The following TAFA2 variants were observed in gnomAD, a reference collection of about 807,000 sequenced individuals.
The protein encoded by TAFA2 is chemokine-like protein TAFA-2.
In TAFA2, 7 loss-of-function variants were observed where a neutral mutation model predicts 18.8. The ratio of observed to expected loss-of-function variants is 0.37; its 90% CI spans 0.21 to 0.70. TAFA2 has a LOEUF of 0.70. Ranked by LOEUF, TAFA2 falls within the 30% of genes least tolerant of loss-of-function variation. TAFA2 has a pLI of 0.53. For synonymous variants in TAFA2, 60 were observed against 54.2 expected, an observed-to-expected ratio of 1.11 and a Z score of -0.47; for missense variants, 122 against 158.1, an observed-to-expected ratio of 0.77 and a Z score of 1.23.
intron 1 of TAFA2, among the ~76,000 whole-genome samples, chr12:62,100,073 G>T (rs994896743): frequency 6.6e-6 from 1 of 150,896 alleles, no homozygotes; most frequent in Non-Finnish European, 1.5e-5. Flanking sequence ...TCAAGTTTTT[G>T]ATTATTCCAC....
At chr12:62,164,037 A>C (rs2062423327) in intron 1 of TAFA2, among the ~76,000 whole-genome samples, 2 of 152,144 alleles carry the variant, frequency 1.3e-5, no homozygotes, top group Admixed American at 1.3e-4. Context: ...CAGAAAATGA[A>C]AATGTTATGA....
intron 1 of TAFA2, among the ~76,000 whole-genome samples, chr12:61,937,208 T>C (rs1877805978): frequency 6.6e-6 from 1 of 152,104 alleles, no homozygotes; most frequent in African/African-American, 2.4e-5. Flanking sequence ...AGAATAAATA[T>C]CATGAAAATG....
At chr12:62,082,821 C>T (rs1421835845) in intron 1 of TAFA2, among the ~76,000 whole-genome samples, 1 of 152,114 alleles carries the variant, frequency 6.6e-6, no homozygotes, top group Non-Finnish European at 1.5e-5. Context: ...TAAAATATAG[C>T]CTCTAAGAAT....
At chr12:61,944,553 G>A (rs1205141363) in intron 1 of TAFA2, among the ~76,000 whole-genome samples, 7 of 112,176 alleles carry the variant, frequency 6.2e-5, no homozygotes, top group Admixed American at 4.6e-4. Context: ...TTGATAGACC[G>A]CTAGCAAGAC....
chr12:62,234,926 A>AG lies in TAFA2; in HGVS notation c.-130+23836dup, dbSNP rs1222734597. On this transcript the variant is annotated intron_variant, in intron 1 of 5. Coordinates refer to the TAFA2 transcript ENST00000551619. Reference sequence around the variant, plus strand: ...TGTGGGGGCAACATCTGAGCCACGGAGGGGGCATAGCCTGGGCCTCAGTGG... The same window carrying AG: ...TGTGGGGGCAACATCTGAGCCACGGAGGGGGGCATAGCCTGGGCCTCAGTGG... The AG allele has an allele frequency of 3.6e-6, 3 of 822,984 alleles. No individual in the cohort carries two copies. In the African/African-American group the frequency reaches 5.0e-5, roughly 14 times the overall value. The allele number at this position is 822,984 out of a possible 1,614,324, so 51.0% of individuals were successfully genotyped here.
chr12:62,133,079 C>T (rs1870754024), intron 1 of TAFA2, among the ~76,000 whole-genome samples: 1 of 151,906 alleles, frequency 6.6e-6, no homozygotes, highest in South Asian at 2.1e-4. Context: ...GCATCCTTGA[C>T]CCTCATCCAC....
intron 4 of TAFA2, among the ~76,000 whole-genome samples, chr12:61,719,528 A>C (rs1238859751): frequency 6.6e-6 from 1 of 152,158 alleles, no homozygotes; most frequent in Non-Finnish European, 1.5e-5. Flanking sequence ...CAACAGTAGC[A>C]AGCAATCATT....
intron 4 of TAFA2, among the ~76,000 whole-genome samples, chr12:61,734,742 G>A (rs1052980997): frequency 9.2e-5 from 14 of 151,960 alleles, no homozygotes; most frequent in South Asian, 2.1e-4. Context: ...TGTAACTTGG[G>A]CAACCTCTTT....
intron 1 of TAFA2, among the ~76,000 whole-genome samples, chr12:61,976,187 GAT>G (rs1208451228): frequency 6.6e-6 from 1 of 151,722 alleles, no homozygotes; most frequent in African/African-American, 2.4e-5. Context: ...AATCAAACAT[GAT>G]ATGTTTTGCC....
chr12:62,225,585 A>C (rs2062782741), intron 1 of TAFA2, among the ~76,000 whole-genome samples: 1 of 152,216 alleles, frequency 6.6e-6, no homozygotes, highest in African/African-American at 2.4e-5. Flanking sequence ...ATTGCAACAT[A>C]CAAATAAATG....
chr12:62,093,678 C>G (rs754664673), intron 1 of TAFA2, among the ~76,000 whole-genome samples: 1 of 151,998 alleles, frequency 6.6e-6, no homozygotes, highest in Non-Finnish European at 1.5e-5. Context: ...ATGCTCAGAA[C>G]ATTTTTGGAA....
intron 1 of TAFA2, among the ~76,000 whole-genome samples, chr12:61,979,998 T>C (rs1343130865): frequency 6.6e-6 from 1 of 152,196 alleles, no homozygotes; most frequent in Non-Finnish European, 1.5e-5. Flanking sequence ...AATATACTTA[T>C]TCTGATATAA....
At chr12:61,760,314 T>C (rs1190606002) in intron 2 of TAFA2, among the ~76,000 whole-genome samples, 1 of 146,620 alleles carries the variant, frequency 6.8e-6, no homozygotes, top group East Asian at 2.0e-4. Flanking sequence ...AGATAGATAA[T>C]CTTGTGCTCA....
At chr12:61,953,708 G>A (rs1878548274) in intron 1 of TAFA2, among the ~76,000 whole-genome samples, 2 of 152,098 alleles carry the variant, frequency 1.3e-5, no homozygotes, top group African/African-American at 4.8e-5. Context: ...GTCTGCCTCA[G>A]CATCTTCCCC....
Position 61,738,312 on chromosome 12 carries a change from C to T in TAFA2, c.384+15310G>A, listed in dbSNP as rs570992580. Among the ~76,000 whole-genome samples, 184 of 148,270 alleles carry T rather than the reference C, an allele frequency of 1.2e-3. 3 individuals are homozygous for T. The highest frequency in any genetic ancestry group is 4.3e-3 in the African/African-American group (177 of 41,022). On this transcript the variant is annotated intron_variant, in intron 4 of 4. Coordinates refer to ENST00000416284, the MANE Select transcript of TAFA2 (RefSeq NM_178539.5). Reference sequence around the variant, plus strand: ...GAAAACACACACACACACACACACACACACACACACACACACAAACCTAGC... The same window carrying T: ...GAAAACACACACACACACACACACATACACACACACACACACAAACCTAGC...
intron 1 of TAFA2, among the ~76,000 whole-genome samples, chr12:62,177,839 T>C (rs1017283468): frequency 2.6e-5 from 4 of 151,358 alleles, no homozygotes; most frequent in African/African-American, 9.8e-5. Context: ...TGTTCCTTCT[T>C]TTCCACCTTT....
chr12:62,042,184 C>G (rs1881774302), intron 1 of TAFA2, among the ~76,000 whole-genome samples: 1 of 151,878 alleles, frequency 6.6e-6, no homozygotes, highest in Admixed American at 6.6e-5. Flanking sequence ...GTACCCATTC[C>G]CAAGCTCTCT....
At chr12:62,259,998 G>A (rs1592426634), upstream of TAFA2, 15 of 196,606 alleles carry the variant, frequency 7.6e-5, no homozygotes, top group South Asian at 9.7e-4. Flanking sequence ...CCACACCACC[G>A]CCCCACCCTA....
intron 1 of TAFA2, among the ~76,000 whole-genome samples, chr12:62,053,861 A>C (rs966084338): frequency 1.2e-4 from 19 of 152,214 alleles, no homozygotes; most frequent in African/African-American, 4.3e-4. Context: ...CTTACATGAG[A>C]TAATATTTAT....
Sources: allele counts gnomAD v4.1 joint callset (sites outside exome capture counted in the v4.1 genomes callset), GRCh38; gene constraint gnomAD v4.1.1; transcripts MANE v1.5; gene names NCBI Gene and HGNC (gene_info 2026-07-23, HGNC 2026-07-21).